Variants in BAZ1B observed in about 807,000 individuals in gnomAD.
BAZ1B encodes the protein bromodomain adjacent to zinc finger domain 1B.
A neutral mutation model predicts 153.8 loss-of-function variants in BAZ1B; 22 were observed. The observed-to-expected ratio is 0.14, with a 90% CI of 0.10 to 0.20. BAZ1B has a LOEUF of 0.20. Among genes scored for constraint, BAZ1B ranks in the 10% least tolerant of loss-of-function variants. The pLI is 1.00. For missense variants in BAZ1B, 1,325 were observed against 1,799.3 expected, an observed-to-expected ratio of 0.74 and a Z score of 4.77; for synonymous variants, 676 against 633.4, an observed-to-expected ratio of 1.07 and a Z score of -1.01.
intron 7 of BAZ1B, among the ~76,000 whole-genome samples, chr7:73,470,987 G>A (rs1318269206): frequency 6.6e-6 from 1 of 152,042 alleles, no homozygotes; most frequent in Non-Finnish European, 1.5e-5. Flanking sequence ...CACCCGTCTC[G>A]GCCCCTCAAA....
Position 73,459,670 on chromosome 7 carries a change from G to C in BAZ1B, c.3298C>G (p.Leu1100Val), listed in dbSNP as rs1055133361. Reference sequence around the variant, plus strand: ...AATTTCTTTATGACACTGGCCTGAAGGGCAATCACACACTCACCAAAATCC... The same window carrying C: ...AATTTCTTTATGACACTGGCCTGAACGGCAATCACACACTCACCAAAATCC... ...LKDFGECVIA[L>V]QASVIKKFLQ... The change falls in exon 13 of 20, where the codon CTT (leucine) becomes GTT (valine). Residue 1100 changes from leucine (L) to valine (V), a missense_variant. This residue lies in a region of BAZ1B where 431 missense variants were observed against 563.5 expected (regional missense o/e 0.76). Transcript: ENST00000339594. 49 of 1,613,720 alleles carry C rather than the reference G, an allele frequency of 3.0e-5. No individual in the cohort carries two copies. The Admixed American group carries it at 7.5e-4, about 25-fold the overall frequency.
rs577718026 is a variant in BAZ1B, at chr7:73,466,938, G to A, written c.2867-537C>T. 6.6e-5 allele frequency among the ~76,000 whole-genome samples: 10 copies of A among 151,952 alleles called. No homozygotes were observed. In the East Asian group the frequency reaches 1.7e-3, roughly 26 times the overall value. On this transcript the variant is annotated intron_variant, in intron 9 of 19. Transcript: ENST00000339594. ...AATATTTGGTTTTTTGTTTTGTTTC[G>A]TTTTGTTTTTTGAGATAGAGTCTCG...
chr7:73,482,163 C>T (rs1269182856), intron 6 of BAZ1B, among the ~76,000 whole-genome samples: 8 of 152,218 alleles, frequency 5.3e-5, no homozygotes, highest in African/African-American at 1.9e-4. Flanking sequence ...CTATCCATGA[C>T]TCCGGGATTA....
chr7:73,514,155 C>T (rs1161759752), intron 1 of BAZ1B, among the ~76,000 whole-genome samples: 3 of 152,016 alleles, frequency 2.0e-5, no homozygotes, highest in Non-Finnish European at 4.4e-5. Flanking sequence ...GATTTTGGAG[C>T]ATTTCTGATT....
chr7:73,460,899 T>C (rs1248502308), intron 12 of BAZ1B, among the ~76,000 whole-genome samples: 4 of 151,426 alleles, frequency 2.6e-5, no homozygotes, highest in African/African-American at 4.8e-5. Flanking sequence ...CTGTCAGCTA[T>C]GATCTGTGAA....
chr7:73,518,570 G>T (rs1264959325), intron 1 of BAZ1B, among the ~76,000 whole-genome samples: 1 of 152,190 alleles, frequency 6.6e-6, no homozygotes, highest in Non-Finnish European at 1.5e-5. Flanking sequence ...GGCAGACGCA[G>T]TAGTGCGTGC....
In BAZ1B at chr7:73,441,706, CG is replaced by C; in HGVS notation, c.*16-14del. ...CTGATACTGTCACCTGAGAGGAAGA[CG>C]GGGGAAGAGACAGAGTATGGGCTTA... On this transcript the variant is annotated splice_polypyrimidine_tract_variant and intron_variant, in intron 19 of 19. Transcript: ENST00000339594. 6.3e-6 allele frequency: 1 copy of C among 158,234 alleles called. No individual in the cohort carries two copies. The highest frequency in any genetic ancestry group is 2.4e-5 in the African/African-American group (1 of 41,562). 9.8% of individuals were successfully genotyped at this position (158,234 alleles called of 1,614,324 possible). A position where few individuals can be genotyped will look rare whatever the true frequency, so the allele number is the denominator to read the frequency against.
intron 6 of BAZ1B, among the ~76,000 whole-genome samples, chr7:73,487,147 T>C (rs1583924842): frequency 1.3e-5 from 2 of 152,224 alleles, no homozygotes; most frequent in African/African-American, 2.4e-5. Flanking sequence ...ACCTAAATTA[T>C]AGCCAAATTT....
intron 13 of BAZ1B, among the ~76,000 whole-genome samples, chr7:73,457,027 G>A (rs1253001026): frequency 2.1e-5 from 3 of 143,846 alleles, no homozygotes; most frequent in Non-Finnish European, 4.5e-5. Context: ...TTGCTGGAGA[G>A]AATGTAAAAT....
At chr7:73,506,649 C>T (rs1378921056) in intron 3 of BAZ1B, among the ~76,000 whole-genome samples, 1 of 151,006 alleles carries the variant, frequency 6.6e-6, no homozygotes, top group Admixed American at 6.6e-5. Context: ...GTCGAGAGTT[C>T]AAGACCAGCC....
intron 16 of BAZ1B, 51 bp from the exon 17 acceptor site, chr7:73,444,180 G>C (rs1453114212): frequency 1.3e-6 from 2 of 1,509,264 alleles, no homozygotes; most frequent in East Asian, 2.4e-5. Flanking sequence ...GTGAAGGGAG[G>C]AGCATCTTCG....
intron 4 of BAZ1B, among the ~76,000 whole-genome samples, chr7:73,498,230 G>T (rs1033776822): frequency 3.8e-4 from 58 of 152,128 alleles, no homozygotes; most frequent in African/African-American, 1.3e-3. Context: ...AAAGTGCTGG[G>T]ATTACAGGCA....
At chr7:73,492,151 C>G (rs2116388842) in intron 5 of BAZ1B, among the ~76,000 whole-genome samples, 1 of 151,724 alleles carries the variant, frequency 6.6e-6, no homozygotes, top group Non-Finnish European at 1.5e-5. Context: ...CGCCACCACA[C>G]CTGGCAAATT....
At position 73,474,378 on chromosome 7, in the gene BAZ1B, C is replaced by T. The variant is rs185671581; in HGVS notation, c.2593+2490G>A. Among the ~76,000 whole-genome samples, 872 of 152,250 alleles carry T rather than the reference C, an allele frequency of 5.7e-3. 8 individuals are homozygous for T. Among genetic ancestry groups the T allele is most frequent in the African/African-American group, 0.02 (821 of 41,530 alleles). On this transcript the variant is annotated intron_variant, in intron 7 of 19. Transcript: ENST00000339594. ...ATGACCCTGGATTTGGCAAAAGATC[C>T]TTAAATCTAACACCAAATCTATAAG... is the stretch of plus-strand genomic sequence containing the variant.
At chr7:73,515,014 G>C (rs1022290535) in intron 1 of BAZ1B, among the ~76,000 whole-genome samples, 3 of 152,198 alleles carry the variant, frequency 2.0e-5, no homozygotes, top group Middle Eastern at 3.4e-3. Context: ...GGAGGTTGCA[G>C]TGAGCCAAGA....
intron 13 of BAZ1B, among the ~76,000 whole-genome samples, chr7:73,453,047 T>C (rs1788074408): frequency 6.6e-6 from 1 of 152,234 alleles, no homozygotes; most frequent in Non-Finnish European, 1.5e-5. Context: ...TCCATTTTTA[T>C]AAATAAGGAA....
intron 2 of BAZ1B, among the ~76,000 whole-genome samples, chr7:73,508,848 C>A (rs1045932206): frequency 2.4e-4 from 37 of 151,858 alleles, no homozygotes; most frequent in African/African-American, 8.2e-4. Flanking sequence ...CCCATCTCTA[C>A]TAAAAATATA....
chr7:73,456,893 G>A (rs1016780245), intron 13 of BAZ1B, among the ~76,000 whole-genome samples: 1 of 117,116 alleles, frequency 8.5e-6, no homozygotes, highest in African/African-American at 3.2e-5. Flanking sequence ...AGTGAGCCAA[G>A]ATCACACCAC....
chr7:73,490,700 G>T (rs1789603754), intron 5 of BAZ1B, among the ~76,000 whole-genome samples: 1 of 151,384 alleles, frequency 6.6e-6, no homozygotes, highest in South Asian at 2.1e-4. Context: ...CCGCCTCCCT[G>T]GTTCAAGCTA....
Sources: gnomAD v4.1 joint callset for allele counts (sites outside exome capture counted in the v4.1 genomes callset) on GRCh38, gnomAD v4.1.1 for gene constraint, gnomAD v4.1.1 regional missense constraint, MANE v1.5 for transcripts, NCBI Gene and HGNC (gene_info 2026-07-23, HGNC 2026-07-21) for gene names.